Variants in BCAT1 observed in about 807,000 individuals in gnomAD.
The protein encoded by BCAT1 is branched-chain-amino-acid aminotransferase, cytosolic.
BCAT1 carries 48 observed loss-of-function variants against 52.4 expected under a neutral mutation model. The observed-to-expected ratio is 0.92, with a 90% CI of 0.73 to 1.16. BCAT1 has a LOEUF of 1.16. Ranked by LOEUF, BCAT1 falls within the 50% of genes most tolerant of loss-of-function variation. BCAT1 has a pLI of 0.00. For missense variants in BCAT1, 451 were observed against 457.1 expected (o/e 0.99, Z 0.12); for synonymous variants, 167 against 161.3 (o/e 1.04, Z -0.27).
intron 7 of BCAT1, among the ~76,000 whole-genome samples, chr12:24,839,735 C>T (rs984612941): frequency 1.3e-5 from 2 of 152,140 alleles, no homozygotes; most frequent in Non-Finnish European, 2.9e-5. Flanking sequence ...CATGAAAAGA[C>T]GGCAGGCTAT....
At chr12:24,888,229 C>A (rs147750342) in intron 3 of BCAT1, among the ~76,000 whole-genome samples, 23 of 152,266 alleles carry the variant, frequency 1.5e-4, no homozygotes, top group African/African-American at 5.3e-4. Flanking sequence ...AGAAAACAGG[C>A]CAGGTGCAGT....
intron 1 of BCAT1, among the ~76,000 whole-genome samples, chr12:24,935,577 C>T (rs10743527): frequency 0.91 from 138,538 of 152,226 alleles, 63,507 homozygotes; most frequent in East Asian, 1. Context: ...TCTTCTAATT[C>T]TAGCATCTTT....
chr12:24,843,110 T>A (rs1288482080), intron 6 of BCAT1, among the ~76,000 whole-genome samples: 1 of 152,124 alleles, frequency 6.6e-6, no homozygotes, highest in Non-Finnish European at 1.5e-5. Context: ...ACTCTAGTCC[T>A]CCTGTTGCAC....
chr12:24,842,059 A>G, intron 7 of BCAT1, 23 bp downstream of exon 7: 1 of 1,610,102 alleles, frequency 6.2e-7, no homozygotes, highest in Non-Finnish European at 8.5e-7. Flanking sequence ...AGAAATGCAC[A>G]CAGTGAAATC....
At chr12:24,824,952 T>C (rs1446191192) in intron 10 of BCAT1, among the ~76,000 whole-genome samples, 1 of 152,184 alleles carries the variant, frequency 6.6e-6, no homozygotes, top group Non-Finnish European at 1.5e-5. Flanking sequence ...ATCTACTCTC[T>C]GTCTTCATAG....
Position 24,909,388 on chromosome 12 carries a change from A to G in BCAT1, c.7-7503T>C, listed in dbSNP as rs543825555. ...AAAGAATTCTCATTTGGGCTTATTC[A>G]ATGCCAAGTCCCATTCAACGAAGTA... is the stretch of plus-strand genomic sequence containing the variant. On this transcript the variant is annotated intron_variant, in intron 1 of 10. Coordinates refer to ENST00000261192, the MANE Select transcript of BCAT1 (RefSeq NM_005504.7). Among the ~76,000 whole-genome samples, 20 of 152,348 alleles carry G rather than the reference A, an allele frequency of 1.3e-4. No individual in the cohort carries two copies. The South Asian group carries it at 4.1e-3, about 32-fold the overall frequency.
chr12:24,880,679 T>G (rs1179816624), intron 4 of BCAT1, among the ~76,000 whole-genome samples: 2 of 152,234 alleles, frequency 1.3e-5, no homozygotes, highest in African/African-American at 4.8e-5. Context: ...ATTTTCCATT[T>G]TCAATATTAA....
chr12:24,814,591 C>T lies in BCAT1; in HGVS notation c.*3417G>A, dbSNP rs527893805. On this transcript the variant is annotated 3_prime_UTR_variant, in exon 11 of 11. Coordinates refer to ENST00000261192, the MANE Select transcript of BCAT1 (RefSeq NM_005504.7). The stretch of plus-strand genomic sequence containing the variant: ...TTGACTAAGATATACTCATTAATTG[C>T]CTCCAAGTGTTCAAGACTGCTTGGA... 1.3e-5 allele frequency: 2 copies of T among 152,186 alleles called. No individual in the cohort carries two copies. Among genetic ancestry groups the T allele is most frequent in the African/African-American group, 2.4e-5 (1 of 41,538 alleles). The allele number at this position is 152,186 out of a possible 1,614,324, so 9.4% of individuals were successfully genotyped here.
chr12:24,819,872 G>A (rs546173514), intron 10 of BCAT1, among the ~76,000 whole-genome samples: 1 of 152,188 alleles, frequency 6.6e-6, no homozygotes, highest in Non-Finnish European at 1.5e-5. Context: ...TATTGACTCT[G>A]TTGCTTCATG....
chr12:24,913,908 T>G (rs575259574), intron 1 of BCAT1, among the ~76,000 whole-genome samples: 6 of 151,826 alleles, frequency 4.0e-5, no homozygotes, highest in South Asian at 4.2e-4. Flanking sequence ...GAAGTTAGAG[T>G]ACTATTTTTA....
intron 5 of BCAT1, among the ~76,000 whole-genome samples, chr12:24,860,271 T>C (rs1941817939): frequency 6.6e-6 from 1 of 152,216 alleles, no homozygotes; most frequent in South Asian, 2.1e-4. Context: ...AATATGTTCA[T>C]AAATATTGAG....
intron 5 of BCAT1, among the ~76,000 whole-genome samples, chr12:24,862,605 CTATG>C (rs1313866852): frequency 6.6e-6 from 1 of 152,188 alleles, no homozygotes; most frequent in East Asian, 1.9e-4. Context: ...CGTTAGCCTA[CTATG>C]TATGTGTGTG....
At chr12:24,903,203 T>A in intron 1 of BCAT1, 1 of 1,070,038 alleles carries the variant, frequency 9.3e-7, no homozygotes, top group Non-Finnish European at 1.2e-6. Context: ...CGTCCCAGTC[T>A]GTCTGCAGTC....
chr12:24,882,366 T>C (rs943516232), intron 3 of BCAT1, among the ~76,000 whole-genome samples: 3 of 152,190 alleles, frequency 2.0e-5, no homozygotes, highest in South Asian at 4.1e-4. Context: ...CCTTTAAAGA[T>C]GTATACCCTA....
intron 10 of BCAT1, among the ~76,000 whole-genome samples, chr12:24,819,301 C>A (rs1161980733): frequency 1.3e-5 from 2 of 152,134 alleles, no homozygotes; most frequent in East Asian, 3.8e-4. Flanking sequence ...TCTATTTTCA[C>A]ACGAAATGGC....
chr12:24,830,836 C>A (rs1312037817), intron 9 of BCAT1: 1 of 152,146 alleles, frequency 6.6e-6, no homozygotes, highest in Non-Finnish European at 1.5e-5. Context: ...ATGAAACAGT[C>A]TATCTGTTGA....
intron 5 of BCAT1, among the ~76,000 whole-genome samples, chr12:24,867,071 G>C (rs1161941162): frequency 6.6e-6 from 1 of 151,688 alleles, no homozygotes; most frequent in African/African-American, 2.4e-5. Context: ...CGCAAGGAAC[G>C]AACAACTCCA....
chr12:24,934,400 C>T (rs1332314328), intron 1 of BCAT1, among the ~76,000 whole-genome samples: 1 of 152,172 alleles, frequency 6.6e-6, no homozygotes, highest in African/African-American at 2.4e-5. Flanking sequence ...TTCTTTATAG[C>T]AGTGTGAAAA....
chr12:24,903,079 G>C (rs888571836), intron 1 of BCAT1: 3 of 1,386,266 alleles, frequency 2.2e-6, no homozygotes, highest in Admixed American at 3.5e-5. Context: ...GCCAAGCCCC[G>C]GCGCACGGCC....
Sources: gnomAD v4.1 joint callset for allele counts (sites outside exome capture counted in the v4.1 genomes callset) on GRCh38, gnomAD v4.1.1 for gene constraint, MANE v1.5 for transcripts, NCBI Gene and HGNC (gene_info 2026-07-23, HGNC 2026-07-21) for gene names.